Variants in ADAM18 observed in about 807,000 individuals in gnomAD.
ADAM18 encodes the protein disintegrin and metalloproteinase domain-containing protein 18.
In ADAM18, 117 loss-of-function variants were observed where a neutral mutation model predicts 94.4. The ratio of observed to expected loss-of-function variants is 1.24; its 90% confidence interval spans 1.07 to 1.45. The LOEUF (loss-of-function observed/expected upper bound fraction) is 1.45, where lower values mean the gene tolerates loss of function less well. ADAM18 is among the 40% of genes most tolerant of loss of function. The pLI, the probability that ADAM18 is intolerant of heterozygous loss-of-function variation, is 0.00. For synonymous variants in ADAM18, 327 were observed against 291.6 expected (o/e 1.12, Z -1.24); for missense variants, 936 against 880.0 (o/e 1.06, Z -0.81).
chr8:39,696,057 T>G (rs1411335601), intron 17 of ADAM18, among the ~76,000 whole-genome samples: 1 of 151,464 alleles, frequency 6.6e-6, no homozygotes, highest in Non-Finnish European at 1.5e-5. Flanking sequence ...TCCTGCCCAA[T>G]ATTTATTTTT....
At chr8:39,649,023 C>A (rs1220827862) in intron 12 of ADAM18, among the ~76,000 whole-genome samples, 1 of 151,862 alleles carries the variant, frequency 6.6e-6, no homozygotes, top group South Asian at 2.1e-4. Context: ...TGTATATACC[C>A]GATTATAATT....
chr8:39,632,184 G>A (rs1819949212), intron 7 of ADAM18, among the ~76,000 whole-genome samples: 1 of 150,938 alleles, frequency 6.6e-6, no homozygotes, highest in Non-Finnish European at 1.5e-5. Flanking sequence ...ATGTATACAT[G>A]TATTTAGTAA....
chr8:39,680,107 A>G lies in ADAM18; in HGVS notation c.1702A>G (p.Thr568Ala), dbSNP rs35980210. 18,570 of 1,613,922 alleles carry G rather than the reference A, an allele frequency of 0.012. 129 individuals carry two copies. Among genetic ancestry groups the G allele is most frequent in the Non-Finnish European group, 0.014 (16,259 of 1,179,878 alleles). The change falls in exon 16 of 20, where the codon ACA becomes GCA. Residue 568 changes from threonine (T) to alanine (A), a missense_variant. Transcript: ENST00000265707. ...TGCTAATAAAAGTGACGCTCAATCT[A>G]CAGTTTATTCATATATTCAAGACCA... is the stretch of plus-strand genomic sequence containing the variant. ...KNANKSDAQS[T>A]VYSYIQDHVC...
At chr8:39,639,012 C>T (rs928953092) in intron 10 of ADAM18, among the ~76,000 whole-genome samples, 4 of 151,766 alleles carry the variant, frequency 2.6e-5, no homozygotes, top group African/African-American at 9.7e-5. Flanking sequence ...CTGTTTCCTG[C>T]AAAATTTACA....
At chr8:39,679,456 T>C (rs546968398) in intron 15 of ADAM18, among the ~76,000 whole-genome samples, 29 of 152,310 alleles carry the variant, frequency 1.9e-4, no homozygotes, top group Admixed American at 1.2e-3. Context: ...ATCCATGGGA[T>C]AAGATAACCT....
chr8:39,697,911 T>C (rs900613913), intron 17 of ADAM18, among the ~76,000 whole-genome samples: 1 of 151,834 alleles, frequency 6.6e-6, no homozygotes, highest in East Asian at 1.9e-4. Flanking sequence ...TGCATATGAT[T>C]TGCTCAAGTG....
rs1585865871 is a variant in ADAM18, at chr8:39,584,768, C to A, written c.55+91C>A. ...CAGTTTCTTGTCATTCTGGGACCCT[C>A]CCCCTCTCCCTTCTGGGATCCCATG... On this transcript the variant is annotated intron_variant, in intron 1 of 19. Coordinates refer to ENST00000265707, the MANE Select transcript of ADAM18 (RefSeq NM_014237.3). 2.0e-5 allele frequency: 29 copies of A among 1,448,828 alleles called. No individual in the cohort carries two copies. The South Asian group carries it at 2.4e-4, about 12-fold the overall frequency. The allele number at this position is 1,448,828 out of a possible 1,614,324, so 89.7% of individuals were successfully genotyped here.
rs1204395450 is a variant in ADAM18, at chr8:39,584,570, C to G, written c.-53C>G. ...GCCGAGAGCCTGCCCGCGAGCTCAA[C>G]GCTGCTCAACGGTCTCTGTCCTTGG... On this transcript the variant is annotated 5_prime_UTR_variant, in exon 1 of 20. Transcript: ENST00000265707. The G allele has an allele frequency of 1.9e-6, 3 of 1,602,254 alleles. No individual in the cohort carries two copies. Among genetic ancestry groups the G allele is most frequent in the African/African-American group, 2.7e-5 (2 of 74,798 alleles).
chr8:39,698,606 C>T (rs1361468111), intron 17 of ADAM18, among the ~76,000 whole-genome samples: 2 of 151,926 alleles, frequency 1.3e-5, no homozygotes, highest in Non-Finnish European at 2.9e-5. Context: ...GTTTCAATTG[C>T]CTGATTTTCT....
intron 17 of ADAM18, among the ~76,000 whole-genome samples, chr8:39,706,566 G>A (rs1003279309): frequency 1.3e-5 from 2 of 152,056 alleles, no homozygotes; most frequent in African/African-American, 4.8e-5. Context: ...TCAATGTATA[G>A]AGGCCAGAAA....
chr8:39,686,773 AG>A (rs1293544750), intron 16 of ADAM18, among the ~76,000 whole-genome samples: 1 of 152,242 alleles, frequency 6.6e-6, no homozygotes, highest in Non-Finnish European at 1.5e-5. Flanking sequence ...TTTGCTTTTA[AG>A]AAATGCGTAG....
chr8:39,676,769 C>T (rs543925287), intron 14 of ADAM18, among the ~76,000 whole-genome samples: 1 of 152,266 alleles, frequency 6.6e-6, no homozygotes, highest in African/African-American at 2.4e-5. Context: ...TCCTATTCGG[C>T]CATTTTGGCA....
At chr8:39,684,886 A>G (rs1288646063) in intron 16 of ADAM18, among the ~76,000 whole-genome samples, 3 of 152,110 alleles carry the variant, frequency 2.0e-5, no homozygotes, top group African/African-American at 2.4e-5. Context: ...GATTCTAGAC[A>G]TTGTATGAGG....
At chr8:39,654,258 C>G (rs1214147856) in intron 12 of ADAM18, among the ~76,000 whole-genome samples, 1 of 149,858 alleles carries the variant, frequency 6.7e-6, no homozygotes, top group African/African-American at 2.5e-5. Context: ...TCCAGGTTCA[C>G]GCGATTCTCC....
rs1426074788 is a variant in ADAM18 at position 39,637,017 on chromosome 8, TTTTATATATATATA to T, written c.589-245_589-232del. Among the ~76,000 whole-genome samples, 292 of 84,766 alleles carry T rather than the reference TTTTATATATATATA, an allele frequency of 3.4e-3. 2 individuals carry two copies. Among genetic ancestry groups the T allele is most frequent in the African/African-American group, 9.9e-3 (263 of 26,698 alleles). The allele number at this position is 84,766 out of a possible 152,430, so 55.6% of individuals were successfully genotyped here. On this transcript the variant is annotated intron_variant, in intron 7 of 19. Transcript: ENST00000265707. The stretch of plus-strand genomic sequence containing the variant: ...TTAATAATATTTCCGCATGTGTGTA[TTTTATATATATATA>T]TATATATATATATATATATATATAT...
intron 17 of ADAM18, among the ~76,000 whole-genome samples, chr8:39,702,993 A>G (rs890280663): frequency 3.3e-5 from 5 of 152,146 alleles, no homozygotes; most frequent in Non-Finnish European, 7.4e-5. Flanking sequence ...AGTGAATTTT[A>G]AAATAGTTTT....
chr8:39,637,928 C>T (rs1253786762), intron 9 of ADAM18, among the ~76,000 whole-genome samples: 1 of 151,844 alleles, frequency 6.6e-6, no homozygotes, highest in Non-Finnish European at 1.5e-5. Context: ...TTTCAAAAAC[C>T]TGCATTTCAT....
At chr8:39,633,470 G>A (rs1355336876) in intron 7 of ADAM18, among the ~76,000 whole-genome samples, 4 of 152,122 alleles carry the variant, frequency 2.6e-5, no homozygotes, top group Non-Finnish European at 4.4e-5. Flanking sequence ...TACTTAAGTG[G>A]TCATGAACAG....
chr8:39,610,752 G>A (rs370789430), intron 6 of ADAM18, 46 bp downstream of exon 6: 3 of 1,544,978 alleles, frequency 1.9e-6, no homozygotes, highest in African/African-American at 2.8e-5. Context: ...AACATTGCCT[G>A]TGTAGTTTTC....
Sources: allele counts gnomAD v4.1 joint callset (sites outside exome capture counted in the v4.1 genomes callset), GRCh38; gene constraint gnomAD v4.1.1; transcripts MANE v1.5; gene names NCBI Gene and HGNC (gene_info 2026-07-23, HGNC 2026-07-21).